MBD5: variants seen among roughly 807,000 people sequenced by gnomAD.
MBD5 encodes the protein methyl-CpG binding domain protein 5.
Under a neutral mutation model 117.3 loss-of-function variants are expected in MBD5, and 13 were observed. The ratio of observed to expected loss-of-function variants is 0.11; its 90% CI spans 0.07 to 0.18. MBD5 has a LOEUF of 0.18. Ranked by LOEUF, MBD5 falls within the 10% of genes least tolerant of loss-of-function variation. The pLI, the probability that MBD5 is intolerant of heterozygous loss-of-function variation, is 1.00. For synonymous variants in MBD5, 727 were observed against 766.4 expected, an observed-to-expected ratio of 0.95 and a Z score of 0.85; for missense variants, 1,879 against 2,093.8, an observed-to-expected ratio of 0.90 and a Z score of 2.00.
At chr2:148,084,592 CT>C (rs1188299146) in intron 1 of MBD5, among the ~76,000 whole-genome samples, 1 of 151,912 alleles carries the variant, frequency 6.6e-6, no homozygotes, top group Non-Finnish European at 1.5e-5. Flanking sequence ...TAGGTTCTGC[CT>C]TTTTTTAGGG....
At chr2:148,449,173 A>G (rs186052379) in intron 4 of MBD5, among the ~76,000 whole-genome samples, 1 of 152,106 alleles carries the variant, frequency 6.6e-6, no homozygotes, top group African/African-American at 2.4e-5. Context: ...AAATTTTTTT[A>G]AAGATATGTA....
intron 3 of MBD5, among the ~76,000 whole-genome samples, chr2:148,289,792 G>A (rs972379814): frequency 6.6e-6 from 1 of 152,042 alleles, no homozygotes; most frequent in Non-Finnish European, 1.5e-5. Context: ...ACGAAATTTA[G>A]TATTGTCACT....
intron 11 of MBD5, among the ~76,000 whole-genome samples, chr2:148,499,008 A>G (rs1382656066): frequency 1.3e-5 from 2 of 152,208 alleles, no homozygotes; most frequent in South Asian, 4.1e-4. Flanking sequence ...GTCAAAAAGT[A>G]TTGGTAGGGC....
Position 148,299,802 on chromosome 2 carries a change from A to T in MBD5, c.-679-42412A>T, listed in dbSNP as rs565711039. 1.4e-4 allele frequency among the ~76,000 whole-genome samples: 22 copies of T among 152,318 alleles called. No individual in the cohort carries two copies. In the South Asian group the frequency reaches 4.6e-3, roughly 32 times the overall value. Reference sequence around the variant, plus strand: ...TCTGAGGACCTGTAGAGTACACTTTAAATGCTTCAGGAAGTCAGTCATAAC... The same window carrying T: ...TCTGAGGACCTGTAGAGTACACTTTTAATGCTTCAGGAAGTCAGTCATAAC... On this transcript the variant is annotated intron_variant, in intron 3 of 13. Transcript: ENST00000642680.
intron 6 of MBD5, among the ~76,000 whole-genome samples, chr2:148,463,353 T>C (rs949627583): frequency 6.6e-6 from 1 of 152,152 alleles, no homozygotes; most frequent in Non-Finnish European, 1.5e-5. Context: ...AACGTAATAA[T>C]AAAATGAAGC....
At chr2:148,198,180 C>T (rs1312585162) in intron 2 of MBD5, among the ~76,000 whole-genome samples, 1 of 151,964 alleles carries the variant, frequency 6.6e-6, no homozygotes, top group Non-Finnish European at 1.5e-5. Flanking sequence ...CTCTTTTTTT[C>T]ACTAAAACAT....
chr2:148,066,377 T>G (rs1695193642), intron 1 of MBD5, among the ~76,000 whole-genome samples: 1 of 152,192 alleles, frequency 6.6e-6, no homozygotes, highest in Admixed American at 6.5e-5. Context: ...TATTTTATAT[T>G]TATCTCCTGA....
At chr2:148,409,259 G>C (rs11896784) in intron 4 of MBD5, among the ~76,000 whole-genome samples, 1 of 151,848 alleles carries the variant, frequency 6.6e-6, no homozygotes, top group African/African-American at 2.4e-5. Context: ...GTTATGGCAC[G>C]TGCCTGTAGC....
At chr2:148,365,221 A>G (rs1703660715) in intron 4 of MBD5, among the ~76,000 whole-genome samples, 1 of 152,198 alleles carries the variant, frequency 6.6e-6, no homozygotes, top group Admixed American at 6.6e-5. Context: ...AAACTAAACA[A>G]CCTGCTCCTG....
At chr2:148,399,932 T>C (rs1450280137) in intron 4 of MBD5, among the ~76,000 whole-genome samples, 1 of 152,212 alleles carries the variant, frequency 6.6e-6, no homozygotes, top group African/African-American at 2.4e-5. Flanking sequence ...TTTTCGTTGG[T>C]CCTGTTTATA....
At chr2:148,220,827 A>G (rs1386120698) in intron 2 of MBD5, among the ~76,000 whole-genome samples, 3 of 152,152 alleles carry the variant, frequency 2.0e-5, no homozygotes, top group Non-Finnish European at 4.4e-5. Context: ...CAATTAAATT[A>G]CTATCAACTA....
At chr2:148,386,583 G>T (rs1704371940) in intron 4 of MBD5, among the ~76,000 whole-genome samples, 2 of 150,428 alleles carry the variant, frequency 1.3e-5, no homozygotes, top group Admixed American at 6.6e-5. Context: ...GCCGGGCGTA[G>T]TGGCGGGCGC....
intron 1 of MBD5, among the ~76,000 whole-genome samples, chr2:148,078,413 A>G (rs565065870): frequency 6.6e-6 from 1 of 152,198 alleles, no homozygotes; most frequent in African/African-American, 2.4e-5. Context: ...CCAGTCTTCT[A>G]TTTGTTTGGA....
Position 148,469,889 on chromosome 2 carries a change from T to A in MBD5, c.1946T>A (p.Met649Lys). 1.2e-6 allele frequency: 2 copies of A among 1,613,952 alleles called. No homozygotes were observed. Among genetic ancestry groups the A allele is most frequent in the Non-Finnish European group, 1.7e-6 (2 of 1,179,900 alleles). Reference protein sequence around the residue: ...SGRAALRDKLMSQQKDALRKR... With the variant: ...SGRAALRDKLKSQQKDALRKR... ...CGAGCAGCACTAAGAGATAAGCTGA[T>A]GTCTCAGCAAAAAGACGCATTGCGG... Residue 649 changes from methionine (M) to lysine (K), a missense_variant, in exon 8 of 14, where the codon ATG (methionine) becomes AAG (lysine). Coordinates refer to ENST00000642680, the MANE Select transcript of MBD5 (RefSeq NM_001378120.1).
intron 4 of MBD5, among the ~76,000 whole-genome samples, chr2:148,431,536 TC>T (rs1335752157): frequency 6.6e-6 from 1 of 151,966 alleles, no homozygotes; most frequent in East Asian, 1.9e-4. Context: ...ATCCTCTCTC[TC>T]CCCCCACCTC....
intron 9 of MBD5, chr2:148,485,112 T>C (rs893320441): frequency 6.6e-6 from 1 of 152,160 alleles, no homozygotes; most frequent in African/African-American, 2.4e-5. Flanking sequence ...ATTTTGAATA[T>C]AAATTTAATT....
intron 2 of MBD5, among the ~76,000 whole-genome samples, chr2:148,216,874 A>G (rs1166083280): frequency 5.9e-5 from 9 of 152,186 alleles, no homozygotes. Flanking sequence ...ACACTGGCAC[A>G]CTTGACCTTC....
chr2:148,370,701 C>G (rs1330954453), intron 4 of MBD5, among the ~76,000 whole-genome samples: 1 of 152,076 alleles, frequency 6.6e-6, no homozygotes, highest in African/African-American at 2.4e-5. Context: ...GTTGCCCAGG[C>G]TGGTCTCGAA....
In MBD5 at chr2:148,490,384, C is replaced by T; in HGVS notation, c.4752C>T (p.Ser1584=). 6.2e-7 allele frequency: 1 copy of T among 1,614,142 alleles called. No homozygotes were observed. Among genetic ancestry groups the T allele is most frequent in the South Asian group, 1.1e-5 (1 of 91,074 alleles). Residue 1584 remains serine (S), a synonymous_variant, in exon 11 of 14, where the codon AGC becomes AGT. Transcript: ENST00000642680. The part of the protein sequence containing the change: ...NAKSVNGCVP[S]PSDAKSISSE... ...AAAGCGTTAATGGGTGTGTGCCTAGCCCTTCAGATGCTAAAAGCATTAGTA... is the reference window on the plus strand; with the variant it reads ...AAAGCGTTAATGGGTGTGTGCCTAGTCCTTCAGATGCTAAAAGCATTAGTA...
Sources: gnomAD v4.1 joint callset for allele counts (sites outside exome capture counted in the v4.1 genomes callset) on GRCh38, gnomAD v4.1.1 for gene constraint, MANE v1.5 for transcripts, NCBI Gene and HGNC (gene_info 2026-07-23, HGNC 2026-07-21) for gene names.